PIK3C2B: variants seen among roughly 807,000 people sequenced by gnomAD.
PIK3C2B encodes the protein phosphatidylinositol-4-phosphate 3-kinase catalytic subunit type 2 beta.
In PIK3C2B, 83 loss-of-function variants were observed where a neutral mutation model predicts 184.3. The ratio of observed to expected loss-of-function variants is 0.45; its 90% confidence interval spans 0.38 to 0.54. The LOEUF (loss-of-function observed/expected upper bound fraction) is 0.54. Among genes scored for constraint, PIK3C2B ranks in the 20% least tolerant of loss-of-function variants. PIK3C2B has a pLI of 0.00. For synonymous variants in PIK3C2B, 779 were observed against 837.6 expected (o/e 0.93, Z 1.21); for missense variants, 1,736 against 2,113.5 (o/e 0.82, Z 3.50).
Position 204,425,688 on chromosome 1 carries a change from A to C in PIK3C2B, c.4641T>G (p.Leu1547=). The change falls in exon 32 of 33, where the codon CTT becomes CTG. Residue 1547 remains leucine, a synonymous_variant. Coordinates refer to ENST00000684373, the MANE Select transcript of PIK3C2B (RefSeq NM_001377334.1). ...DPDPYVKIYL[L]PDPQKTTKRK... ...TCTTAGTGGTTTTCTGAGGGTCAGG[A>C]AGGAGGTAAATTTTCACATAGGGGT... The C allele has an allele frequency of 1.2e-6, 2 of 1,614,032 alleles. No homozygotes were observed. The highest frequency in any genetic ancestry group is 1.7e-6 in the Non-Finnish European group (2 of 1,179,958).
intron 7 of PIK3C2B, 113 bp downstream of exon 7, chr1:204,460,211 C>A: frequency 9.3e-6 from 8 of 860,244 alleles, no homozygotes; most frequent in African/African-American, 1.7e-5. Context: ...GGGCCCCAAC[C>A]CCTGACACCT....
At chr1:204,468,711 C>T (rs1190644577) in intron 2 of PIK3C2B, among the ~76,000 whole-genome samples, 159 bp downstream of exon 2, 3 of 152,186 alleles carry the variant, frequency 2.0e-5, no homozygotes, top group Non-Finnish European at 4.4e-5. Flanking sequence ...ATCAAGCCTC[C>T]CCTGGACCTC....
chr1:204,440,127 A>C lies in PIK3C2B; in HGVS notation c.3379+65T>G, dbSNP rs542664812. 35 of 1,503,394 alleles carry C rather than the reference A, an allele frequency of 2.3e-5. No homozygotes were observed. In the East Asian group the frequency reaches 5.2e-4, roughly 22 times the overall value. The allele number at this position is 1,503,394 out of a possible 1,614,324, so 93.1% of individuals were successfully genotyped here. A position where few individuals can be genotyped will look rare whatever the true frequency, so the allele number is the denominator to read the frequency against. Reference sequence around the variant, plus strand: ...GGAGGAGGACACAGTTTGTGTTGGCAATGGGCAGAAGGACAATAAGCAAAG... The same window carrying C: ...GGAGGAGGACACAGTTTGTGTTGGCCATGGGCAGAAGGACAATAAGCAAAG... On this transcript the variant is annotated intron_variant, in intron 22 of 32. Transcript: ENST00000684373.
In PIK3C2B at chr1:204,447,605, G is replaced by A; in HGVS notation, c.2347-27C>T. 1 of 1,583,994 alleles carries A rather than the reference G, an allele frequency of 6.3e-7. No individual in the cohort carries two copies. The highest frequency in any genetic ancestry group is 8.6e-7 in the Non-Finnish European group (1 of 1,163,076). On this transcript the variant is annotated intron_variant, in intron 14 of 32. Transcript: ENST00000684373. This position sits in a 1 kb window ranked among gnomAD's most constrained non-coding sequence, Gnocchi z 4.1. ...TGGGGGATGAGATCAGGGATGTGAG[G>A]AGAGAAAACAGGCAGCGTGTGTGGA...
intron 1 of PIK3C2B, among the ~76,000 whole-genome samples, chr1:204,483,235 A>C (rs914052038): frequency 6.6e-6 from 1 of 152,098 alleles, no homozygotes; most frequent in Admixed American, 6.5e-5. Context: ...CAGCCTGGGA[A>C]ACATAGACTC....
rs1464018825 is a variant in PIK3C2B at position 204,457,147 on chromosome 1, C to T, written c.1714-77G>A. 3 of 1,256,714 alleles carry T rather than the reference C, an allele frequency of 2.4e-6. No homozygotes were observed. The African/African-American group carries it at 4.5e-5, about 19-fold the overall frequency. The allele number at this position is 1,256,714 out of a possible 1,614,324, so 77.8% of individuals were successfully genotyped here. A position where few individuals can be genotyped will look rare whatever the true frequency, so the allele number is the denominator to read the frequency against. On this transcript the variant is annotated intron_variant, in intron 9 of 32. Transcript: ENST00000684373. ...TCACAGCTGGAAGAAGGGCTTTTCACAGCTGCGCTCATCTGGACCAGAATG... is the reference window on the plus strand; with the variant it reads ...TCACAGCTGGAAGAAGGGCTTTTCATAGCTGCGCTCATCTGGACCAGAATG...
chr1:204,444,607 C>T (rs1179061932), intron 16 of PIK3C2B, among the ~76,000 whole-genome samples, 183 bp from the exon 17 acceptor site: 1 of 152,162 alleles, frequency 6.6e-6, no homozygotes, highest in African/African-American at 2.4e-5. Context: ...TGGGAATGAG[C>T]CTTCCTCACG....
At chr1:204,454,908 G>T in intron 11 of PIK3C2B, 117 bp from the exon 12 acceptor site, 1 of 1,163,882 alleles carries the variant, frequency 8.6e-7, no homozygotes, top group Non-Finnish European at 1.2e-6. Context: ...GTCTCTGAGG[G>T]CTGTAACACA....
intron 9 of PIK3C2B, 37 bp from the exon 10 acceptor site, chr1:204,457,107 C>A: frequency 1.3e-6 from 2 of 1,545,746 alleles, no homozygotes; most frequent in Non-Finnish European, 1.8e-6. Flanking sequence ...AGCTTCAGGG[C>A]CATAGCCTTT....
chr1:204,443,733 T>C, intron 18 of PIK3C2B, 136 bp from the exon 19 acceptor site: 1 of 750,946 alleles, frequency 1.3e-6, no homozygotes, highest in Non-Finnish European at 2.3e-6. Flanking sequence ...ACATTCTGTA[T>C]GTACGGCTCA....
At chr1:204,450,387 G>A (rs747435105) in intron 12 of PIK3C2B, among the ~76,000 whole-genome samples, 9 of 152,056 alleles carry the variant, frequency 5.9e-5, no homozygotes, top group African/African-American at 1.9e-4. Flanking sequence ...TAGGATTTCC[G>A]CAGAGGGTCC....
chr1:204,469,089 G>T lies in PIK3C2B; in HGVS notation c.714C>A (p.Leu238=). ...CCGCATCATAGGTCGATTTCAAGTTGAGCCTAGTAATTGCATCATTGATAC... is the reference window on the plus strand; with the variant it reads ...CCGCATCATAGGTCGATTTCAAGTTTAGCCTAGTAATTGCATCATTGATAC... ...YDGINDAITR[L]NLKSTYDAEM... is the part of the protein sequence containing the mutation. The change falls in exon 2 of 33, where the codon CTC becomes CTA. Residue 238 remains leucine (L), a synonymous_variant. Transcript: ENST00000684373. 6.2e-7 allele frequency: 1 copy of T among 1,614,178 alleles called. No individual in the cohort carries two copies. Among genetic ancestry groups the T allele is most frequent in the Non-Finnish European group, 8.5e-7 (1 of 1,180,028 alleles).
chr1:204,443,690 T>G (rs1266796817), intron 18 of PIK3C2B, 93 bp from the exon 19 acceptor site: 3 of 1,138,872 alleles, frequency 2.6e-6, no homozygotes, highest in South Asian at 1.3e-5. Flanking sequence ...TCCAACTCAC[T>G]GCAAAACCCA....
At chr1:204,467,888 C>T (rs1321414287) in intron 2 of PIK3C2B, among the ~76,000 whole-genome samples, 1 of 148,410 alleles carries the variant, frequency 6.7e-6, no homozygotes, top group Non-Finnish European at 1.5e-5. Flanking sequence ...TGTCTCTTGA[C>T]TCCTTGCAGC....
chr1:204,430,208 T>G (rs1674968191), intron 28 of PIK3C2B, among the ~76,000 whole-genome samples, 170 bp from the exon 29 acceptor site: 1 of 152,186 alleles, frequency 6.6e-6, no homozygotes, highest in Admixed American at 6.5e-5. Flanking sequence ...TGCACATCTG[T>G]GCCCAGGTCT....
At position 204,469,217 on chromosome 1, in the gene PIK3C2B, C is replaced by T. The variant is rs779068689; in HGVS notation, c.586G>A (p.Glu196Lys). Residue 196 changes from glutamate (E) to lysine (K), a missense_variant, in exon 2 of 33, where the codon GAA (glutamate) becomes AAA (lysine). Glu to Lys is a moderately conservative substitution (Grantham distance 56, BLOSUM62 1). Coordinates refer to ENST00000684373, the MANE Select transcript of PIK3C2B (RefSeq NM_001377334.1). The part of the protein sequence containing the change: ...PSDINTFSLV[E>K]QLPGKLLEHR... ...TCTAGCAGTTTGCCCGGCAATTGTT[C>T]GACCAAAGAGAAAGTGTTGATGTCA... 4 of 1,606,842 alleles carry T rather than the reference C, an allele frequency of 2.5e-6. No homozygotes were observed. The highest frequency in any genetic ancestry group is 1.7e-5 in the Admixed American group (1 of 59,482).
chr1:204,453,737 C>T (rs777488472), intron 12 of PIK3C2B, among the ~76,000 whole-genome samples: 3 of 150,928 alleles, frequency 2.0e-5, no homozygotes, highest in Non-Finnish European at 4.4e-5. Flanking sequence ...GAGACAAGAT[C>T]AAAAAATAAA....
In PIK3C2B at chr1:204,454,735, C is replaced by T. The variant is rs1381375973; in HGVS notation, c.2000G>A (p.Ser667Asn). ...GTGAGCTCTTCGGGTCTGCAGGGGGCTGCACAGCTCCTTGCCGCCATGGCT... is the reference window on the plus strand; with the variant it reads ...GTGAGCTCTTCGGGTCTGCAGGGGGTTGCACAGCTCCTTGCCGCCATGGCT... Reference protein sequence around the residue: ...SLSHGGKELCSPLQTRRAHFS... With the variant: ...SLSHGGKELCNPLQTRRAHFS... Residue 667 changes from serine (S) to asparagine (N), a missense_variant, in exon 12 of 33, where the codon AGC (serine) becomes AAC (asparagine). By Grantham distance (46) the Ser-to-Asn change is conservative. This residue lies in a region of PIK3C2B where 609 missense variants were observed against 699.2 expected (regional missense o/e 0.87). Transcript: ENST00000684373. 2 of 1,613,536 alleles carry T rather than the reference C, an allele frequency of 1.2e-6. No individual in the cohort carries two copies. Among genetic ancestry groups the T allele is most frequent in the Admixed American group, 3.3e-5 (2 of 60,020 alleles).
At chr1:204,470,313 G>A (rs987868017) in intron 1 of PIK3C2B, among the ~76,000 whole-genome samples, 5 of 151,934 alleles carry the variant, frequency 3.3e-5, no homozygotes, top group Admixed American at 6.6e-5. Flanking sequence ...GATTACAGGC[G>A]CCCACCACTG....
Sources: gnomAD v4.1 joint callset for allele counts (sites outside exome capture counted in the v4.1 genomes callset) on GRCh38, gnomAD v4.1.1 for gene constraint, gnomAD v4.1.1 regional missense constraint, Gnocchi (gnomAD v3.1) non-coding constraint, MANE v1.5 for transcripts, NCBI Gene and HGNC (gene_info 2026-07-23, HGNC 2026-07-21) for gene names.